SOX5: variants seen among roughly 807,000 people sequenced by gnomAD.
SOX5 encodes transcription factor SOX-5.
Under a neutral mutation model 92.0 loss-of-function variants are expected in SOX5, and 9 were observed. The observed-to-expected ratio is 0.10, with a 90% CI of 0.06 to 0.17. The LOEUF (loss-of-function observed/expected upper bound fraction) is 0.17. Among genes scored for constraint, SOX5 ranks in the 10% least tolerant of loss-of-function variants. The pLI is 1.00. For synonymous variants in SOX5, 344 were observed against 336.3 expected (o/e 1.02, Z -0.25); for missense variants, 642 against 944.5 (o/e 0.68, Z 4.20).
chr12:23,792,622 CAAAAAAAAAAAAAAAAAAAAAAAAAA>C (rs749845598), intron 3 of SOX5, among the ~76,000 whole-genome samples: 142 of 38,968 alleles, frequency 3.6e-3, no homozygotes, highest in Admixed American at 4.5e-3. Flanking sequence ...GGCTCTGTCT[CAAAAAAAAAAAAAAAAAAAAAAAAAA>C]AAAAAAAAAA....
At chr12:23,939,464 T>TA (rs1340808439) in intron 1 of SOX5, among the ~76,000 whole-genome samples, 1 of 150,822 alleles carries the variant, frequency 6.6e-6, no homozygotes, top group Non-Finnish European at 1.5e-5. Flanking sequence ...AGGAATCAAA[T>TA]AAAAAAATCT....
intron 4 of SOX5, among the ~76,000 whole-genome samples, chr12:24,174,930 G>C (rs1400238613): frequency 2.0e-5 from 3 of 152,150 alleles, no homozygotes; most frequent in Admixed American, 6.5e-5. Flanking sequence ...AACAGGAAGG[G>C]GGTACCTTGC....
chr12:23,689,212 C>T (rs2088263869), intron 6 of SOX5, among the ~76,000 whole-genome samples: 1 of 152,074 alleles, frequency 6.6e-6, no homozygotes. Flanking sequence ...ACAGCATTAT[C>T]CTACGGGTAT....
At chr12:23,787,983 A>G (rs2095410928) in intron 3 of SOX5, among the ~76,000 whole-genome samples, 1 of 151,726 alleles carries the variant, frequency 6.6e-6, no homozygotes, top group Admixed American at 6.6e-5. Context: ...GACAATGAGA[A>G]AGATACTGCT....
At chr12:24,014,339 G>C (rs962082317) in intron 4 of SOX5, among the ~76,000 whole-genome samples, 1 of 152,116 alleles carries the variant, frequency 6.6e-6, no homozygotes, top group Non-Finnish European at 1.5e-5. Context: ...AGAATATGAG[G>C]GAGAAAGCAT....
At chr12:23,695,857 C>T (rs532780546) in intron 6 of SOX5, among the ~76,000 whole-genome samples, 220 of 134,910 alleles carry the variant, frequency 1.6e-3, no homozygotes, top group African/African-American at 5.6e-3. Flanking sequence ...AGGAGAATGG[C>T]GTGAACCTGG....
At chr12:23,965,543 A>G (rs970736767) in intron 4 of SOX5, among the ~76,000 whole-genome samples, 1 of 152,098 alleles carries the variant, frequency 6.6e-6, no homozygotes, top group Non-Finnish European at 1.5e-5. Flanking sequence ...TGATACTCAG[A>G]TTGTGATAAC....
rs191416131 is a variant in SOX5 at position 24,156,335 on chromosome 12, C to T, written c.-2+57008G>A. Among the ~76,000 whole-genome samples, 25 of 152,246 alleles carry T rather than the reference C, an allele frequency of 1.6e-4. No individual in the cohort carries two copies. The East Asian group carries it at 4.8e-3, about 29-fold the overall frequency. On this transcript the variant is annotated intron_variant, in intron 4 of 4. Coordinates refer to the SOX5 transcript ENST00000446891. ...CCTCTGCCCTTCCCTGTCCTGCCGC[C>T]CCCACCCCTTTACTGGTTTCTCCTG...
intron 1 of SOX5, among the ~76,000 whole-genome samples, chr12:24,506,579 G>C (rs1437508664): frequency 1.3e-5 from 2 of 152,004 alleles, no homozygotes; most frequent in Non-Finnish European, 2.9e-5. Flanking sequence ...TGAGACTGAT[G>C]GTAGGGGTGA....
chr12:24,355,685 C>G (rs570386811), intron 2 of SOX5, among the ~76,000 whole-genome samples: 4 of 152,226 alleles, frequency 2.6e-5, no homozygotes, highest in African/African-American at 9.6e-5. Flanking sequence ...CAAAGGCAAA[C>G]AAAACTGTTC....
chr12:24,316,074 AGTCACCTGT>A (rs1949670584), intron 2 of SOX5, among the ~76,000 whole-genome samples: 1 of 152,242 alleles, frequency 6.6e-6, no homozygotes, highest in African/African-American at 2.4e-5. Flanking sequence ...TGCCAGGGAC[AGTCACCTGT>A]GTCACTTGTA....
chr12:24,049,618 A>G (rs1320068191), intron 4 of SOX5, among the ~76,000 whole-genome samples: 1 of 136,550 alleles, frequency 7.3e-6, no homozygotes, highest in Non-Finnish European at 1.5e-5. Flanking sequence ...CATAATGTTG[A>G]TATTTTCCAA....
At chr12:24,401,352 AGGGG>A (rs1961532290) in intron 1 of SOX5, among the ~76,000 whole-genome samples, 1 of 132,230 alleles carries the variant, frequency 7.6e-6, no homozygotes, top group Non-Finnish European at 1.6e-5. Flanking sequence ...ACTCCATCTC[AGGGG>A]AAAAAAAAAA....
chr12:23,812,565 T>G (rs2095895950), intron 3 of SOX5, among the ~76,000 whole-genome samples: 1 of 152,078 alleles, frequency 6.6e-6, no homozygotes, highest in Non-Finnish European at 1.5e-5. Context: ...CACAATAAAA[T>G]TTTGAGCACA....
chr12:24,416,013 GGACATT>G (rs1964954315), intron 1 of SOX5, among the ~76,000 whole-genome samples: 1 of 152,158 alleles, frequency 6.6e-6, no homozygotes, highest in African/African-American at 2.4e-5. Context: ...AACTTATCCT[GGACATT>G]GAAATTCTTG....
rs531749846 is a variant in SOX5, at chr12:24,080,691, G to A, written c.-2+132652C>T. Among the ~76,000 whole-genome samples the A allele has an allele frequency of 3.2e-4, 48 of 152,020 alleles. 1 individual carries two copies. The highest frequency in any genetic ancestry group is 1.9e-4 in the East Asian group (1 of 5,158). On this transcript the variant is annotated intron_variant, in intron 4 of 4. Transcript: ENST00000446891. The stretch of plus-strand genomic sequence containing the variant: ...TCACTTTGGTTCCAAAATATTGTTT[G>A]CTGCATTCTGATTGATCTGTGTGTT...
intron 4 of SOX5, among the ~76,000 whole-genome samples, chr12:24,136,288 G>C (rs1167840612): frequency 1.3e-5 from 2 of 152,214 alleles, no homozygotes; most frequent in Admixed American, 6.5e-5. Flanking sequence ...CAGTGGAGTA[G>C]AGTCATGGGT....
chr12:23,856,407 T>A (rs2136282932), intron 2 of SOX5, among the ~76,000 whole-genome samples: 1 of 152,282 alleles, frequency 6.6e-6, no homozygotes, highest in Middle Eastern at 3.4e-3. Context: ...CTACCAGTTT[T>A]GGAGTTCTTA....
chr12:24,195,820 A>T (rs1014425564), intron 4 of SOX5, among the ~76,000 whole-genome samples: 1 of 152,222 alleles, frequency 6.6e-6, no homozygotes, highest in African/African-American at 2.4e-5. Flanking sequence ...GAACAACTTA[A>T]TACTCTTAAG....
Sources: allele counts gnomAD v4.1 joint callset (sites outside exome capture counted in the v4.1 genomes callset), GRCh38; gene constraint gnomAD v4.1.1; transcripts MANE v1.5; gene names NCBI Gene and HGNC (gene_info 2026-07-23, HGNC 2026-07-21).